The following COL4A5 variants were observed in gnomAD, a reference collection of about 807,000 sequenced individuals.
The protein encoded by COL4A5 is collagen type IV alpha 5 chain.
Under a neutral mutation model 130.2 loss-of-function variants are expected in COL4A5, and 26 were observed. That is an observed-to-expected ratio of 0.20 (90% CI 0.15 to 0.28). The LOEUF (loss-of-function observed/expected upper bound fraction) is 0.28. COL4A5 is among the 10% of genes least tolerant of loss of function. The pLI is 1.00. For synonymous variants in COL4A5, 496 were observed against 439.6 expected, an observed-to-expected ratio of 1.13 and a Z score of -1.60; for missense variants, 1,131 against 1,344.3, an observed-to-expected ratio of 0.84 and a Z score of 2.48.
At chrX:108,541,997 G>A (rs867699246) in intron 2 of COL4A5, among the ~76,000 whole-genome samples, 14 of 111,947 alleles carry the variant, frequency 1.3e-4, no homozygotes, top group South Asian at 1.1e-3. Flanking sequence ...TAACACAGAT[G>A]TTGGAATTTG....
chrX:108,621,854 T>A lies in COL4A5; in HGVS notation c.2729T>A (p.Leu910Ter). Residue 910 changes from leucine (L) to a stop codon, truncating the protein, a stop_gained, in exon 32 of 53, where the codon TTG becomes TAG. Transcript: ENST00000328300. LOFTEE classifies it high-confidence loss of function. ...GGACCTCCAGGCCCACCAGGACCTT[T>A]GGGAATTCCTGGCAGGAGTGGTGTA... ...MMGPPGPPGP[L>*]GIPGRSGVPG... The A allele has an allele frequency of 8.3e-7, 1 of 1,209,526 alleles. No homozygotes were observed. The highest frequency in any genetic ancestry group is 1.1e-6 in the Non-Finnish European group (1 of 893,770).
At chrX:108,629,082 G>T (rs1384893517) in intron 36 of COL4A5, among the ~76,000 whole-genome samples, 1 of 111,820 alleles carries the variant, frequency 8.9e-6, no homozygotes, top group Admixed American at 9.5e-5. Flanking sequence ...ACTGCAGTAA[G>T]AGAGTAAGTC....
At chrX:108,560,500 C>T (rs748246091) in intron 3 of COL4A5, among the ~76,000 whole-genome samples, 27 of 112,749 alleles carry the variant, frequency 2.4e-4, no homozygotes, top group Non-Finnish European at 4.1e-4. Context: ...TTGCGGACAA[C>T]CTTTTCTAAT....
intron 1 of COL4A5, among the ~76,000 whole-genome samples, chrX:108,492,295 A>T (rs1474683684): frequency 1.8e-5 from 2 of 111,867 alleles, no homozygotes; most frequent in Admixed American, 1.9e-4. Flanking sequence ...AAATCACTAG[A>T]TGCTCACTAC....
At chrX:108,571,612 G>A in intron 7 of COL4A5, 146 bp downstream of exon 7, 2 of 621,552 alleles carry the variant, frequency 3.2e-6, no homozygotes, top group Non-Finnish European at 5.3e-6. Flanking sequence ...AAAAGAAGTT[G>A]GTAATATAGC....
intron 1 of COL4A5, among the ~76,000 whole-genome samples, chrX:108,507,247 C>CAAAAAAAAAA (rs1195605237): frequency 2.0e-5 from 1 of 50,864 alleles, no homozygotes; most frequent in African/African-American, 6.0e-5. Context: ...ACAACAACAA[C>CAAAAAAAAAA]AAAAAAAAAA....
chrX:108,591,511 C>A (rs1250376453), intron 20 of COL4A5, 50 bp from the exon 21 acceptor site: 2 of 1,021,801 alleles, frequency 2.0e-6, no homozygotes, highest in South Asian at 3.8e-5. Flanking sequence ...TTTGTTTAAT[C>A]TTCTGGATAT....
At chrX:108,640,735 T>A (rs2067447654) in intron 36 of COL4A5, among the ~76,000 whole-genome samples, 1 of 111,705 alleles carries the variant, frequency 9.0e-6, no homozygotes, top group Admixed American at 9.5e-5. Flanking sequence ...ATTAAAATGG[T>A]AAGATTTATG....
chrX:108,532,616 A>G (rs920423092), intron 1 of COL4A5, among the ~76,000 whole-genome samples: 1 of 111,444 alleles, frequency 9.0e-6, no homozygotes, highest in Non-Finnish European at 1.9e-5. Context: ...AGGCATCCAA[A>G]TGGGAAAAGA....
chrX:108,473,295 T>C (rs1408755567), intron 1 of COL4A5, among the ~76,000 whole-genome samples: 1 of 110,108 alleles, frequency 9.1e-6, no homozygotes, highest in East Asian at 2.8e-4. Context: ...TTCCTTCTTC[T>C]CATAACACAA....
intron 1 of COL4A5, chrX:108,463,074 A>T (rs768407498): frequency 2.7e-5 from 3 of 111,997 alleles, no homozygotes; most frequent in East Asian, 5.6e-4. Context: ...TTTAATTTTA[A>T]TTTAAGGTCT....
At chrX:108,522,277 G>A (rs2065271931) in intron 1 of COL4A5, among the ~76,000 whole-genome samples, 1 of 109,074 alleles carries the variant, frequency 9.2e-6, no homozygotes, top group Non-Finnish European at 1.9e-5. Context: ...GAACATTCAT[G>A]TACAGATTTT....
At chrX:108,594,625 C>G (rs1193921939) in intron 21 of COL4A5, among the ~76,000 whole-genome samples, 1 of 108,716 alleles carries the variant, frequency 9.2e-6, no homozygotes, top group Non-Finnish European at 1.9e-5. Flanking sequence ...GGTCTGCTTG[C>G]TGTTCCTTGT....
intron 1 of COL4A5, among the ~76,000 whole-genome samples, chrX:108,481,630 G>T (rs992136043): frequency 9.0e-6 from 1 of 111,536 alleles, no homozygotes; most frequent in Admixed American, 9.5e-5. Context: ...CTTCGCTTTT[G>T]CTGTCCATTA....
intron 36 of COL4A5, among the ~76,000 whole-genome samples, chrX:108,652,709 C>G (rs2067756275): frequency 8.9e-6 from 1 of 112,191 alleles, no homozygotes; most frequent in Admixed American, 9.5e-5. Flanking sequence ...CATTACATTA[C>G]AATTTGAATC....
chrX:108,635,887 A>G (rs2067342555), intron 36 of COL4A5, among the ~76,000 whole-genome samples: 1 of 112,447 alleles, frequency 8.9e-6, no homozygotes, highest in Admixed American at 9.4e-5. Context: ...CAGAAAACCA[A>G]ATAGCACATG....
At chrX:108,621,044 C>T (rs1043743806) in intron 31 of COL4A5, among the ~76,000 whole-genome samples, 2 of 109,929 alleles carry the variant, frequency 1.8e-5, no homozygotes, top group Non-Finnish European at 3.8e-5. Context: ...CTTTCTTTCT[C>T]TTTCTTTCTC....
At chrX:108,601,346 G>T (rs1217055789) in intron 25 of COL4A5, 47 bp from the exon 26 acceptor site, 3 of 891,672 alleles carry the variant, frequency 3.4e-6, no homozygotes, top group South Asian at 2.1e-5. Context: ...GAGACCTTTA[G>T]TTGAGTAAAT....
chrX:108,630,898 T>G (rs1346526270), intron 36 of COL4A5, among the ~76,000 whole-genome samples: 2 of 112,372 alleles, frequency 1.8e-5, no homozygotes, highest in African/African-American at 6.5e-5. Context: ...CCAGCATCAT[T>G]TATTAAATAG....
Sources: allele counts gnomAD v4.1 joint callset (sites outside exome capture counted in the v4.1 genomes callset), GRCh38; gene constraint gnomAD v4.1.1; transcripts MANE v1.5; gene names NCBI Gene and HGNC (gene_info 2026-07-23, HGNC 2026-07-21).